The following CACNA1G variants were observed in gnomAD, a reference collection of about 807,000 sequenced individuals.
CACNA1G encodes calcium voltage-gated channel subunit alpha1 G.
In CACNA1G, 67 loss-of-function variants were observed where a neutral mutation model predicts 219.4. The ratio of observed to expected loss-of-function variants is 0.31; its 90% CI spans 0.25 to 0.37. The LOEUF (loss-of-function observed/expected upper bound fraction) is 0.37, where lower values mean the gene tolerates loss of function less well. Among genes scored for constraint, CACNA1G ranks in the 10% least tolerant of loss-of-function variants. The pLI is 1.00. For missense variants in CACNA1G, 2,380 were observed against 3,231.4 expected (o/e 0.74, Z 6.39); for synonymous variants, 1,296 against 1,345.3 (o/e 0.96, Z 0.80).
chr17:50,583,745 A>G (rs1179510155), intron 9 of CACNA1G, among the ~76,000 whole-genome samples: 1 of 152,038 alleles, frequency 6.6e-6, no homozygotes, highest in Non-Finnish European at 1.5e-5. Context: ...ACAGGGTGGC[A>G]CTCGATGCTC....
chr17:50,565,972 A>G (rs961683493), intron 1 of CACNA1G, among the ~76,000 whole-genome samples: 2 of 152,122 alleles, frequency 1.3e-5, no homozygotes, highest in African/African-American at 2.4e-5. Flanking sequence ...GACAGTCACC[A>G]TAGCAACAGT....
intron 26 of CACNA1G, among the ~76,000 whole-genome samples, chr17:50,612,538 T>C (rs2049445269): frequency 6.6e-6 from 1 of 152,214 alleles, no homozygotes; most frequent in Non-Finnish European, 1.5e-5. Flanking sequence ...GACCCAGTGA[T>C]CAGGCCTGGC....
At chr17:50,573,423 C>T (rs192078784) in intron 7 of CACNA1G, 2 of 264,272 alleles carry the variant, frequency 7.6e-6, no homozygotes, top group Admixed American at 4.9e-5. Flanking sequence ...GATACCACCT[C>T]TCCCAGAGGG....
In CACNA1G at chr17:50,617,389, T is replaced by G. The variant is rs2050818061; in HGVS notation, c.5022-49T>G. The G allele has an allele frequency of 6.3e-7, 1 of 1,576,140 alleles. No individual in the cohort carries two copies. Among genetic ancestry groups the G allele is most frequent in the Non-Finnish European group, 8.6e-7 (1 of 1,156,434 alleles). Reference sequence around the variant, plus strand: ...TTCTGTGCCACGACTGCCCCCTCCTTCAGGAACCCCCTCCCCCAACTCAGG... The same window carrying G: ...TTCTGTGCCACGACTGCCCCCTCCTGCAGGAACCCCCTCCCCCAACTCAGG... On this transcript the variant is annotated intron_variant, in intron 28 of 37. Transcript: ENST00000359106. The surrounding 1 kb of genome is among the most constrained non-coding windows in gnomAD (Gnocchi z 5.8).
chr17:50,599,567 C>G lies in CACNA1G; in HGVS notation c.3398C>G (p.Ser1133Trp), dbSNP rs758152538. ...SPSGERRSLL[S>W]GEGQESQDEE... ...AGTGGAGAGCGGCGGTCCCTGTTGT[C>G]GGGAGAAGGCCAGGAGAGCCAGGAT... The change falls in exon 17 of 38, where the codon TCG becomes TGG. Residue 1133 changes from serine (S) to tryptophan (W), a missense_variant. Physicochemically the swap from Ser to Trp is radical, Grantham distance 177 (BLOSUM62 -3). This residue lies in a region of CACNA1G where 418 missense variants were observed against 434.3 expected (regional missense o/e 0.96). Coordinates refer to ENST00000359106, the MANE Select transcript of CACNA1G (RefSeq NM_018896.5). 1 of 1,612,564 alleles carries G rather than the reference C, an allele frequency of 6.2e-7. No individual in the cohort carries two copies. The highest frequency in any genetic ancestry group is 1.3e-5 in the African/African-American group (1 of 74,916).
intron 36 of CACNA1G, 36 bp from the exon 37 acceptor site, chr17:50,624,324 T>TGCCCCCCCCCCCCCCCCCCCGGG: frequency 8.5e-7 from 1 of 1,177,664 alleles, no homozygotes; most frequent in South Asian, 1.3e-5. Context: ...CTCCATTCTC[T>TGCCCCCCCCCCCCCCCCCCCGGG]CCCCCCACCC....
At chr17:50,575,184 G>C (rs1411032152) in intron 7 of CACNA1G, among the ~76,000 whole-genome samples, 1 of 152,214 alleles carries the variant, frequency 6.6e-6, no homozygotes. Flanking sequence ...AAGGGGTGCT[G>C]CGTCTCTGCA....
rs918669716 is a variant in CACNA1G, at chr17:50,611,186, G to A, written c.4759+1251G>A. 5.3e-5 allele frequency among the ~76,000 whole-genome samples: 8 copies of A among 151,792 alleles called. No homozygotes were observed. The South Asian group carries it at 6.2e-4, about 12-fold the overall frequency. On this transcript the variant is annotated intron_variant, in intron 26 of 37. Transcript: ENST00000359106. ...GGAGAATCGCTTCAACCCGGGAGGC[G>A]GAGGTTGCAGTGAGCCGAGATCACG...
chr17:50,566,706 G>A (rs2037966632), intron 1 of CACNA1G, among the ~76,000 whole-genome samples: 1 of 152,228 alleles, frequency 6.6e-6, no homozygotes, highest in Admixed American at 6.5e-5. Flanking sequence ...TTATTGATTG[G>A]TTGATTCGTT....
chr17:50,624,955 CTT>C (rs3986415), intron 37 of CACNA1G, among the ~76,000 whole-genome samples: 6 of 117,524 alleles, frequency 5.1e-5, no homozygotes, highest in Admixed American at 9.0e-5. Flanking sequence ...AGCCCAGATT[CTT>C]TTTTTTTTTT....
chr17:50,625,072 C>T (rs1050811806), intron 37 of CACNA1G, among the ~76,000 whole-genome samples: 1 of 151,592 alleles, frequency 6.6e-6, no homozygotes, highest in Admixed American at 6.6e-5. Context: ...CCTGCATCAG[C>T]CTCCCGAGTA....
chr17:50,606,850 C>T (rs780645679), intron 23 of CACNA1G, 50 bp from the exon 24 acceptor site: 1 of 1,384,892 alleles, frequency 7.2e-7, no homozygotes, highest in African/African-American at 1.4e-5. Flanking sequence ...ATAGGTGATT[C>T]AGCCACACAT....
intron 34 of CACNA1G, among the ~76,000 whole-genome samples, chr17:50,620,263 T>G (rs2051508007): frequency 6.6e-6 from 1 of 152,186 alleles, no homozygotes; most frequent in African/African-American, 2.4e-5. Context: ...TATCTGCTCG[T>G]GTCCAGCACA....
At chr17:50,624,324 T>TGCCCCCCCCCCCCCCCCCCCTAC in intron 36 of CACNA1G, 36 bp from the exon 37 acceptor site, 1 of 1,177,664 alleles carries the variant, frequency 8.5e-7, no homozygotes, top group Non-Finnish European at 1.2e-6. Flanking sequence ...CTCCATTCTC[T>TGCCCCCCCCCCCCCCCCCCCTAC]CCCCCCACCC....
chr17:50,598,023 TTTTCTTTC>T (rs1340912783), intron 16 of CACNA1G, among the ~76,000 whole-genome samples: 1 of 152,166 alleles, frequency 6.6e-6, no homozygotes, highest in Non-Finnish European at 1.5e-5. Flanking sequence ...GTATGCCATA[TTTTCTTTC>T]TTTCTTTCTT....
intron 26 of CACNA1G, among the ~76,000 whole-genome samples, chr17:50,612,803 A>G (rs1467179486): frequency 6.6e-6 from 1 of 152,012 alleles, no homozygotes; most frequent in Non-Finnish European, 1.5e-5. Context: ...TGACTCTGGT[A>G]TTTTCTCCAC....
Position 50,618,965 on chromosome 17 carries a change from C to A in CACNA1G, c.5738C>A (p.Ala1913Asp), listed in dbSNP as rs1459909857. The A allele has an allele frequency of 1.3e-6, 2 of 1,559,262 alleles. No homozygotes were observed. The highest frequency in any genetic ancestry group is 1.9e-5 in the Admixed American group (1 of 53,526). Residue 1913 changes from alanine (A) to aspartate (D), a missense_variant, in exon 33 of 38, where the codon GCC (alanine) becomes GAC (aspartate). By Grantham distance (126) the Ala-to-Asp change is moderately radical (BLOSUM62 -2). Transcript: ENST00000359106. This position sits in a 1 kb window ranked among gnomAD's most constrained non-coding sequence, Gnocchi z 5.3. ...AAGCCTGGGGCTCTGCACCCAGCGG[C>A]CCACGCGAGATCAGCCTCCCACTTT... ...SPKPGALHPA[A>D]HARSASHFSL...
chr17:50,571,767 C>G lies in CACNA1G; in HGVS notation c.587-111C>G. 9.4e-7 allele frequency: 1 copy of G among 1,066,130 alleles called. No individual in the cohort carries two copies. The highest frequency in any genetic ancestry group is 1.4e-5 in the South Asian group (1 of 71,988). 66.0% of individuals were successfully genotyped at this position (1,066,130 alleles called of 1,614,324 possible). A position where few individuals can be genotyped will look rare whatever the true frequency, so the allele number is the denominator to read the frequency against. On this transcript the variant is annotated intron_variant, in intron 4 of 37. Transcript: ENST00000359106. This position sits in a 1 kb window ranked among gnomAD's most constrained non-coding sequence, Gnocchi z 4.3. ...GTCTCCCCTCCAGCTTGAGCCGGGC[C>G]GTCTCAGCCTCAGAGTCCCTGGTGG...
At chr17:50,574,292 G>A (rs573791294) in intron 7 of CACNA1G, among the ~76,000 whole-genome samples, 74 of 152,330 alleles carry the variant, frequency 4.9e-4, no homozygotes, top group Admixed American at 2.2e-3. Flanking sequence ...GAGAGAAAGA[G>A]ATTAAGAAAG....
Sources: gnomAD v4.1 joint callset for allele counts (sites outside exome capture counted in the v4.1 genomes callset) on GRCh38, gnomAD v4.1.1 for gene constraint, gnomAD v4.1.1 regional missense constraint, Gnocchi (gnomAD v3.1) non-coding constraint, MANE v1.5 for transcripts, NCBI Gene and HGNC (gene_info 2026-07-23, HGNC 2026-07-21) for gene names.